WDR64: variants seen among roughly 807,000 people sequenced by gnomAD.
WDR64 encodes WD repeat-containing protein 64.
WDR64 carries 112 observed loss-of-function variants against 139.3 expected under a neutral mutation model. The ratio of observed to expected loss-of-function variants is 0.80; its 90% confidence interval spans 0.69 to 0.94. The LOEUF (loss-of-function observed/expected upper bound fraction) is 0.94, where lower values mean the gene tolerates loss of function less well. Among genes scored for constraint, WDR64 ranks in the 40% least tolerant of loss-of-function variants. WDR64 has a pLI of 0.00. For missense variants in WDR64, 1,206 were observed against 1,293.1 expected (o/e 0.93, Z 1.03); for synonymous variants, 444 against 437.7 (o/e 1.01, Z -0.18).
intron 14 of WDR64, among the ~76,000 whole-genome samples, chr1:241,750,506 G>A (rs1479838009): frequency 1.3e-5 from 2 of 152,166 alleles, no homozygotes; most frequent in African/African-American, 4.8e-5. Context: ...AATCCAAAAT[G>A]GCACTGTAGA....
intron 2 of WDR64, among the ~76,000 whole-genome samples, chr1:241,663,034 T>C (rs925121821): frequency 6.6e-6 from 1 of 152,140 alleles, no homozygotes; most frequent in African/African-American, 2.4e-5. Flanking sequence ...TCATAAAAGA[T>C]ACATGGAAGA....
chr1:241,770,721 C>T, intron 18 of WDR64, 31 bp downstream of exon 18: 1 of 1,542,038 alleles, frequency 6.5e-7, no homozygotes, highest in South Asian at 1.2e-5. Context: ...GTCTGTCTTC[C>T]TGTCATACTC....
chr1:241,712,185 C>T (rs1243077824), intron 9 of WDR64, among the ~76,000 whole-genome samples: 1 of 152,098 alleles, frequency 6.6e-6, no homozygotes, highest in Non-Finnish European at 1.5e-5. Flanking sequence ...AGCATGAGTT[C>T]CTAGGTCTCC....
chr1:241,658,284 G>GGTGTGTGTGTGTGT (rs56011225), intron 1 of WDR64, among the ~76,000 whole-genome samples: 82 of 147,252 alleles, frequency 5.6e-4, no homozygotes, highest in African/African-American at 2.0e-3. Flanking sequence ...TTCAAGCAAT[G>GGTGTGTGTGTGTGT]GTGTGTGTGT....
At chr1:241,790,264 T>C (rs949920927) in intron 24 of WDR64, among the ~76,000 whole-genome samples, 1 of 152,108 alleles carries the variant, frequency 6.6e-6, no homozygotes, top group Non-Finnish European at 1.5e-5. Context: ...GGCACAAGAA[T>C]TGCTTGAACC....
At chr1:241,761,559 AAT>A (rs1172097126) in intron 15 of WDR64, among the ~76,000 whole-genome samples, 16 of 151,034 alleles carry the variant, frequency 1.1e-4, no homozygotes, top group South Asian at 4.2e-4. Context: ...ATACATTAGA[AAT>A]ATATATATAT....
rs759647413 is a variant in WDR64 at position 241,711,813 on chromosome 1, A to C, written c.986A>C (p.Glu329Ala). The change falls in exon 9 of 28, where the codon GAG (glutamate) becomes GCG (alanine). Residue 329 changes from glutamate (E) to alanine (A), a missense_variant. Transcript: ENST00000437684. ...KRLEDNLPVR[E>A]FSMPRGANTF... ...TTTGTGTTTTCCAGGCCTGTCAGAGAGTTTTCCATGCCAAGAGGAGCCAAC... is the reference window on the plus strand; with the variant it reads ...TTTGTGTTTTCCAGGCCTGTCAGAGCGTTTTCCATGCCAAGAGGAGCCAAC... The C allele has an allele frequency of 6.2e-7, 1 of 1,614,030 alleles. No individual in the cohort carries two copies.
At chr1:241,765,961 G>A (rs1257551891) in intron 15 of WDR64, among the ~76,000 whole-genome samples, 1 of 152,084 alleles carries the variant, frequency 6.6e-6, no homozygotes, top group East Asian at 1.9e-4. Context: ...AAGTTGGGAA[G>A]AAAGAATAAA....
intron 10 of WDR64, among the ~76,000 whole-genome samples, chr1:241,732,017 C>T (rs1448786684): frequency 1.3e-5 from 2 of 152,092 alleles, no homozygotes; most frequent in Non-Finnish European, 2.9e-5. Flanking sequence ...TTCATAATCT[C>T]ATATATCTTC....
chr1:241,790,576 T>C lies in WDR64; in HGVS notation c.2892-15T>C. On this transcript the variant is annotated splice_polypyrimidine_tract_variant and intron_variant, in intron 24 of 27. Coordinates refer to ENST00000437684, the MANE Select transcript of WDR64 (RefSeq NM_001367482.1). ...AGGTATGGGTATGTACTTATTCTTG[T>C]ATCTTTATATGCAGATGGAGAAAAA... 6.3e-7 allele frequency: 1 copy of C among 1,593,516 alleles called. No individual in the cohort carries two copies.
chr1:241,799,150 G>A (rs9428892), intron 27 of WDR64, among the ~76,000 whole-genome samples: 30,985 of 135,952 alleles, frequency 0.23, 3,614 homozygotes, highest in East Asian at 0.46. Flanking sequence ...TGAACTGATT[G>A]AACCCAGGAG....
intron 6 of WDR64, among the ~76,000 whole-genome samples, chr1:241,683,175 T>A (rs74150356): frequency 0.02 from 3,080 of 152,310 alleles, 89 homozygotes; most frequent in African/African-American, 0.069. Context: ...TTATGCTTAC[T>A]TTAATGTTTT....
At chr1:241,677,234 T>C (rs1038104929) in intron 4 of WDR64, 1 of 397,596 alleles carries the variant, frequency 2.5e-6, no homozygotes, top group Non-Finnish European at 4.4e-6. Flanking sequence ...TTTAAACAGG[T>C]GACTTCCATT....
chr1:241,717,132 C>T (rs1217745300), intron 9 of WDR64, among the ~76,000 whole-genome samples: 5 of 152,100 alleles, frequency 3.3e-5, no homozygotes, highest in Non-Finnish European at 7.4e-5. Flanking sequence ...CAATGAAAAG[C>T]AAATGCAGTC....
intron 8 of WDR64, among the ~76,000 whole-genome samples, chr1:241,692,432 A>C (rs984694474): frequency 3.3e-5 from 5 of 152,388 alleles, no homozygotes; most frequent in South Asian, 2.1e-4. Context: ...ATTGTAAAAC[A>C]ATGGAAAAAA....
chr1:241,774,610 G>T (rs1370624980), intron 20 of WDR64, among the ~76,000 whole-genome samples: 1 of 152,022 alleles, frequency 6.6e-6, no homozygotes, highest in Non-Finnish European at 1.5e-5. Context: ...TCTTTGTCTT[G>T]CACCAGTATT....
chr1:241,691,567 A>G (rs1285506456), intron 8 of WDR64, among the ~76,000 whole-genome samples: 2 of 152,056 alleles, frequency 1.3e-5, no homozygotes, highest in African/African-American at 2.4e-5. Context: ...CAACTTGTAA[A>G]AAACATCTAC....
intron 1 of WDR64, among the ~76,000 whole-genome samples, chr1:241,653,473 A>G (rs1271672659): frequency 1.3e-5 from 2 of 151,726 alleles, no homozygotes; most frequent in East Asian, 3.9e-4. Context: ...TGTTCATTTT[A>G]TTTGTGGAAA....
intron 15 of WDR64, among the ~76,000 whole-genome samples, chr1:241,762,889 G>A (rs1657986161): frequency 6.6e-6 from 1 of 152,060 alleles, no homozygotes; most frequent in South Asian, 2.1e-4. Context: ...ACAAATGTCA[G>A]TTTGGAACTG....
Sources: gnomAD v4.1 joint callset for allele counts (sites outside exome capture counted in the v4.1 genomes callset) on GRCh38, gnomAD v4.1.1 for gene constraint, MANE v1.5 for transcripts, NCBI Gene and HGNC (gene_info 2026-07-23, HGNC 2026-07-21) for gene names.